Variants in SLC31A2 observed in about 807,000 individuals in gnomAD.
The protein encoded by SLC31A2 is protein SLC31A2.
In SLC31A2, 16 loss-of-function variants were observed where a neutral mutation model predicts 14.4. The ratio of observed to expected loss-of-function variants is 1.11; its 90% CI spans 0.75 to 1.69. The LOEUF is 1.69. SLC31A2 is among the 40% of genes most tolerant of loss of function. The pLI, the probability that SLC31A2 is intolerant of heterozygous loss-of-function variation, is 0.00. For missense variants in SLC31A2, 140 were observed against 173.9 expected, an observed-to-expected ratio of 0.81 and a Z score of 1.10; for synonymous variants, 56 against 68.7, an observed-to-expected ratio of 0.82 and a Z score of 0.91.
intron 2 of SLC31A2, among the ~76,000 whole-genome samples, chr9:113,160,360 A>T (rs1024673139): frequency 5.3e-3 from 28 of 5,238 alleles, no homozygotes; most frequent in African/African-American, 0.018. Flanking sequence ...TGTCCTTTTA[A>T]AAAAAATTAT....
In SLC31A2 at chr9:113,157,780, C is replaced by A; in HGVS notation, c.60C>A (p.Val20=). The change falls in exon 2 of 4, where the codon GTC becomes GTA. Residue 20 remains valine, a synonymous_variant. Transcript: ENST00000259392. ...TAVLLFDFWS[V]HSPAGMALSV... ...TGCTTCTGTTTGATTTCTGGAGTGT[C>A]CACAGTCCTGCTGGTAAGAATTGGG... 1 of 1,612,610 alleles carries A rather than the reference C, an allele frequency of 6.2e-7. No individual in the cohort carries two copies. The highest frequency in any genetic ancestry group is 8.5e-7 in the Non-Finnish European group (1 of 1,179,104).
intron 2 of SLC31A2, among the ~76,000 whole-genome samples, chr9:113,159,164 T>C (rs576301471): frequency 1.3e-5 from 2 of 152,250 alleles, no homozygotes; most frequent in African/African-American, 2.4e-5. Flanking sequence ...AAATGGAGTC[T>C]CTGTCGCCCA....
rs1829863063 is a variant in SLC31A2, at chr9:113,151,388, GCCCCCGGCCCCGGA to G, written c.6+311_6+324del. On this transcript the variant is annotated intron_variant, in intron 1 of 3. Coordinates refer to ENST00000259392, the MANE Select transcript of SLC31A2 (RefSeq NM_001860.3). This position sits in a 1 kb window ranked among gnomAD's most constrained non-coding sequence, Gnocchi z 4.2. ...GTGGCTGAAGACAGCTGGGTCCGGG[GCCCCCGGCCCCGGA>G]CCTCTGGCCGGCGCCCCAGGGCGGA... Among the ~76,000 whole-genome samples the G allele has an allele frequency of 6.6e-6, 1 of 151,784 alleles. No homozygotes were observed. The highest frequency in any genetic ancestry group is 1.5e-5 in the Non-Finnish European group (1 of 67,928).
chr9:113,156,466 G>C (rs1169808655), intron 1 of SLC31A2, among the ~76,000 whole-genome samples: 1 of 152,166 alleles, frequency 6.6e-6, no homozygotes, highest in African/African-American at 2.4e-5. Context: ...TAATTGGCTG[G>C]TGTTCCCTGG....
At position 113,157,811 on chromosome 9, in the gene SLC31A2, C is replaced by T; in HGVS notation, c.73+18C>T. 1 of 1,602,670 alleles carries T rather than the reference C, an allele frequency of 6.2e-7. No individual in the cohort carries two copies. The highest frequency in any genetic ancestry group is 8.5e-7 in the Non-Finnish European group (1 of 1,171,206). ...TCCTGCTGGTAAGAATTGGGGACCT[C>T]AGACTTGTAGCTTGGAAAGCCTTGT... On this transcript the variant is annotated intron_variant, in intron 2 of 3. Transcript: ENST00000259392.
rs980149766 is a variant in SLC31A2 at position 113,151,457 on chromosome 9, C to T, written c.6+377C>T. Among the ~76,000 whole-genome samples, 1 of 152,058 alleles carries T rather than the reference C, an allele frequency of 6.6e-6. No individual in the cohort carries two copies. The highest frequency in any genetic ancestry group is 1.5e-5 in the Non-Finnish European group (1 of 68,006). On this transcript the variant is annotated intron_variant, in intron 1 of 3. Transcript: ENST00000259392. This position sits in a 1 kb window ranked among gnomAD's most constrained non-coding sequence, Gnocchi z 4.2. ...AGCGCCTTGGGAGATTCCAGGAAGG[C>T]TTCCACGAAAGGGAAACCCCCGGCG... is the stretch of plus-strand genomic sequence containing the variant.
In SLC31A2 at chr9:113,156,705, G is replaced by T. The variant is rs561149187; in HGVS notation, c.7-1022G>T. Among the ~76,000 whole-genome samples, 3 of 152,286 alleles carry T rather than the reference G, an allele frequency of 2.0e-5. No individual in the cohort carries two copies. In the East Asian group the frequency reaches 5.8e-4, roughly 29 times the overall value. On this transcript the variant is annotated intron_variant, in intron 1 of 3. Transcript: ENST00000259392. Reference sequence around the variant, plus strand: ...GAGGGGGCCTTCACTTCCCTGAGAGGGTGAACTAACTGATAGATCTGTTGG... The same window carrying T: ...GAGGGGGCCTTCACTTCCCTGAGAGTGTGAACTAACTGATAGATCTGTTGG...
rs952438849 is a variant in SLC31A2 at position 113,151,131 on chromosome 9, C to T, written c.6+51C>T. 5 of 1,283,990 alleles carry T rather than the reference C, an allele frequency of 3.9e-6. No individual in the cohort carries two copies. Among genetic ancestry groups the T allele is most frequent in the East Asian group, 5.8e-5 (2 of 34,192 alleles). The allele number at this position is 1,283,990 out of a possible 1,614,324, so 79.5% of individuals were successfully genotyped here. On this transcript the variant is annotated intron_variant, in intron 1 of 3. Transcript: ENST00000259392. This position sits in a 1 kb window ranked among gnomAD's most constrained non-coding sequence, Gnocchi z 4.2. ...AGGGTGGGCGGTTGGGGCGGGGTCT[C>T]CTGGAGCTGCCATCTCGGCACCCCG... is the stretch of plus-strand genomic sequence containing the variant.
At chr9:113,153,429 A>G (rs887637741) in intron 1 of SLC31A2, among the ~76,000 whole-genome samples, 7 of 152,074 alleles carry the variant, frequency 4.6e-5, no homozygotes, top group Non-Finnish European at 1.0e-4. Context: ...TGTGACCCCC[A>G]ACAAACACCT....
chr9:113,162,866 G>C lies in SLC31A2; in HGVS notation c.381G>C (p.Leu127Phe). ...CCTGGATTTTCCTTGGTGTGGTCTTGGGCTCTGCTGTGGGCTACTACCTAG... is the reference window on the plus strand; with the variant it reads ...CCTGGATTTTCCTTGGTGTGGTCTTCGGCTCTGCTGTGGGCTACTACCTAG... ...YNTWIFLGVV[L>F]GSAVGYYLAY... Residue 127 changes from leucine (L) to phenylalanine (F), a missense_variant, in exon 4 of 4, where the codon TTG becomes TTC. By Grantham distance (22) the Leu-to-Phe change is conservative. Transcript: ENST00000259392. 1 of 1,613,276 alleles carries C rather than the reference G, an allele frequency of 6.2e-7. No homozygotes were observed. The highest frequency in any genetic ancestry group is 8.5e-7 in the Non-Finnish European group (1 of 1,179,776).
chr9:113,161,169 T>G (rs1172517374), intron 2 of SLC31A2: 2 of 224,290 alleles, frequency 8.9e-6, no homozygotes, highest in African/African-American at 4.6e-5. Flanking sequence ...AGACATTTTT[T>G]GCATACTTAC....
chr9:113,151,176 C>T lies in SLC31A2; in HGVS notation c.6+96C>T, dbSNP rs893701534. On this transcript the variant is annotated intron_variant, in intron 1 of 3. Coordinates refer to ENST00000259392, the MANE Select transcript of SLC31A2 (RefSeq NM_001860.3). The surrounding 1 kb of genome is among the most constrained non-coding windows in gnomAD (Gnocchi z 4.2). ...ACCCCGAATCCTCGCTGCCGCTGGC[C>T]CGGGGCTGGTGAAGGGTGTGTTGGC... The T allele has an allele frequency of 1.7e-6, 2 of 1,211,198 alleles. No individual in the cohort carries two copies. Among genetic ancestry groups the T allele is most frequent in the East Asian group, 6.2e-5 (2 of 32,160 alleles). The allele number at this position is 1,211,198 out of a possible 1,614,324, so 75.0% of individuals were successfully genotyped here. A position where few individuals can be genotyped will look rare whatever the true frequency, so the allele number is the denominator to read the frequency against.
At position 113,155,949 on chromosome 9, in the gene SLC31A2, C is replaced by A. The variant is rs561322645; in HGVS notation, c.7-1778C>A. ...GACTCAGACTACTATTCTTTACTAT[C>A]TCCTTTGGTCCTAACTGTTGAGAGG... is the stretch of plus-strand genomic sequence containing the variant. On this transcript the variant is annotated intron_variant, in intron 1 of 3. Transcript: ENST00000259392. 5.2e-4 allele frequency: 243 copies of A among 466,972 alleles called. 4 individuals carry two copies. Among genetic ancestry groups the A allele is most frequent in the South Asian group, 3.6e-3 (240 of 66,328 alleles). The allele number at this position is 466,972 out of a possible 1,614,324, so 28.9% of individuals were successfully genotyped here. A position where few individuals can be genotyped will look rare whatever the true frequency, so the allele number is the denominator to read the frequency against.
intron 2 of SLC31A2, among the ~76,000 whole-genome samples, chr9:113,158,729 C>T (rs1426229394): frequency 6.6e-6 from 1 of 152,058 alleles, no homozygotes; most frequent in Non-Finnish European, 1.5e-5. Flanking sequence ...GGTAGAAGTA[C>T]GTGGGATTTT....
chr9:113,153,156 C>G (rs1274179249), intron 1 of SLC31A2, among the ~76,000 whole-genome samples: 4 of 145,862 alleles, frequency 2.7e-5, no homozygotes, highest in African/African-American at 1.0e-4. Context: ...GGAGAGATCT[C>G]TGAGTAGTAA....
intron 2 of SLC31A2, chr9:113,161,296 G>A: frequency 1.8e-6 from 1 of 557,064 alleles, no homozygotes; most frequent in Non-Finnish European, 3.1e-6. Flanking sequence ...TCAGCCCCTG[G>A]ATTTTTCAGG....
intron 3 of SLC31A2, 64 bp downstream of exon 3, chr9:113,161,762 C>T (rs1415948085): frequency 6.4e-7 from 1 of 1,560,142 alleles, no homozygotes; most frequent in South Asian, 1.1e-5. Flanking sequence ...ACAGGCTGGC[C>T]CAGACAGCAT....
At chr9:113,153,550 G>A (rs1308594183) in intron 1 of SLC31A2, among the ~76,000 whole-genome samples, 1 of 152,168 alleles carries the variant, frequency 6.6e-6, no homozygotes. Flanking sequence ...AGTGACCATG[G>A]GGAGATAAGT....
chr9:113,161,390 G>T, intron 2 of SLC31A2, 119 bp from the exon 3 acceptor site: 1 of 896,834 alleles, frequency 1.1e-6, no homozygotes, highest in South Asian at 1.5e-5. Flanking sequence ...ACTCAGCAAG[G>T]GTGGGGAAGA....
Sources: allele counts gnomAD v4.1 joint callset (sites outside exome capture counted in the v4.1 genomes callset), GRCh38; gene constraint gnomAD v4.1.1; non-coding constraint Gnocchi (gnomAD v3.1); transcripts MANE v1.5; gene names NCBI Gene and HGNC (gene_info 2026-07-23, HGNC 2026-07-21).